The following SEMA5A variants were observed in gnomAD, a reference collection of about 807,000 sequenced individuals.
SEMA5A encodes the protein semaphorin 5A.
Under a neutral mutation model 135.5 loss-of-function variants are expected in SEMA5A, and 55 were observed. That is an observed-to-expected ratio of 0.41 (90% CI 0.33 to 0.51). The LOEUF (loss-of-function observed/expected upper bound fraction) is 0.51. Among genes scored for constraint, SEMA5A ranks in the 20% least tolerant of loss-of-function variants. The probability of loss-of-function intolerance (pLI) is 0.37; values close to 1 mark genes in which losing one functional copy is unlikely to be tolerated. For synonymous variants in SEMA5A, 580 were observed against 546.5 expected (o/e 1.06, Z -0.85); for missense variants, 1,290 against 1,419.9 (o/e 0.91, Z 1.47).
intron 18 of SEMA5A, among the ~76,000 whole-genome samples, chr5:9,057,984 C>T (rs558696644): frequency 6.6e-6 from 1 of 152,066 alleles, no homozygotes; most frequent in Admixed American, 6.6e-5. Context: ...AATGAAATAG[C>T]CTTCATCACA....
intron 1 of SEMA5A, among the ~76,000 whole-genome samples, chr5:9,520,277 C>T (rs1351332336): frequency 6.6e-6 from 1 of 152,234 alleles, no homozygotes; most frequent in Non-Finnish European, 1.5e-5. Flanking sequence ...AGCAAAGGCT[C>T]TGCCTCGTGG....
At chr5:9,250,288 C>A (rs1203601303) in intron 5 of SEMA5A, among the ~76,000 whole-genome samples, 1 of 152,106 alleles carries the variant, frequency 6.6e-6, no homozygotes, top group Non-Finnish European at 1.5e-5. Flanking sequence ...TGTGGGTGGA[C>A]AGCAGTAGCA....
intron 11 of SEMA5A, among the ~76,000 whole-genome samples, chr5:9,162,461 T>C (rs935468571): frequency 1.6e-4 from 12 of 74,138 alleles, no homozygotes; most frequent in Non-Finnish European, 3.1e-4. Flanking sequence ...TATATATGTG[T>C]GTGTATATAT....
At chr5:9,187,354 T>C (rs903633760) in intron 11 of SEMA5A, among the ~76,000 whole-genome samples, 1 of 152,192 alleles carries the variant, frequency 6.6e-6, no homozygotes, top group African/African-American at 2.4e-5. Context: ...TATGTAATTA[T>C]AGAGGTTGTT....
chr5:9,524,753 A>T (rs886484471), intron 1 of SEMA5A, among the ~76,000 whole-genome samples: 3 of 152,248 alleles, frequency 2.0e-5, no homozygotes, highest in Non-Finnish European at 4.4e-5. Flanking sequence ...TTCAACCATT[A>T]TTAATGCAAA....
At chr5:9,145,566 A>G (rs1013052600) in intron 12 of SEMA5A, among the ~76,000 whole-genome samples, 6 of 151,762 alleles carry the variant, frequency 4.0e-5, no homozygotes, top group African/African-American at 1.2e-4. Flanking sequence ...AAGCTTTCCT[A>G]TGGAATTCTT....
At chr5:9,138,851 G>A (rs1741907405) in intron 12 of SEMA5A, among the ~76,000 whole-genome samples, 1 of 152,172 alleles carries the variant, frequency 6.6e-6, no homozygotes, top group Non-Finnish European at 1.5e-5. Context: ...GTGAGAACAT[G>A]CGACGTTTGC....
At chr5:9,385,149 A>C (rs1005489418) in intron 2 of SEMA5A, among the ~76,000 whole-genome samples, 4 of 152,136 alleles carry the variant, frequency 2.6e-5, no homozygotes, top group Admixed American at 2.6e-4. Flanking sequence ...ACTTCCTTTT[A>C]TTTTCCAGAT....
In SEMA5A at chr5:9,429,117, T is replaced by C. The variant is rs574171221; in HGVS notation, c.-78+8639A>G. ...CATGGAGAAGGAAGAGAAAGGTTCA[T>C]GGAAAATGAGACAGATTAGCTGAGA... On this transcript the variant is annotated intron_variant, in intron 2 of 22. Coordinates refer to ENST00000382496, the MANE Select transcript of SEMA5A (RefSeq NM_003966.3). 5.9e-5 allele frequency among the ~76,000 whole-genome samples: 9 copies of C among 152,260 alleles called. No homozygotes were observed. The East Asian group carries it at 1.4e-3, about 23-fold the overall frequency.
intron 1 of SEMA5A, among the ~76,000 whole-genome samples, chr5:9,519,121 A>G (rs1561316773): frequency 6.6e-6 from 1 of 152,230 alleles, no homozygotes; most frequent in African/African-American, 2.4e-5. Flanking sequence ...CTTTCTCTGT[A>G]AAACATGGAG....
intron 11 of SEMA5A, among the ~76,000 whole-genome samples, chr5:9,180,153 C>T (rs1050091023): frequency 2.6e-5 from 4 of 152,166 alleles, no homozygotes; most frequent in African/African-American, 9.7e-5. Context: ...TAAGGGTCCA[C>T]TGTACTCCAG....
chr5:9,125,019 C>T lies in SEMA5A; in HGVS notation c.1600-2182G>A, dbSNP rs543705257. Among the ~76,000 whole-genome samples, 17 of 152,322 alleles carry T rather than the reference C, an allele frequency of 1.1e-4. 1 individual carries two copies. Among genetic ancestry groups the T allele is most frequent in the Admixed American group, 9.8e-4 (15 of 15,306 alleles). Reference sequence around the variant, plus strand: ...CGGGTTACAAACTATACCCATACTTCGCCATTTCAGAATAATGCTGACACC... The same window carrying T: ...CGGGTTACAAACTATACCCATACTTTGCCATTTCAGAATAATGCTGACACC... On this transcript the variant is annotated intron_variant, in intron 13 of 22. Coordinates refer to ENST00000382496, the MANE Select transcript of SEMA5A (RefSeq NM_003966.3).
intron 2 of SEMA5A, among the ~76,000 whole-genome samples, chr5:9,436,071 C>A (rs1327815371): frequency 3.9e-5 from 6 of 152,190 alleles, no homozygotes; most frequent in Admixed American, 3.9e-4. Flanking sequence ...CTGCAATTCT[C>A]TTGCAGATTA....
intron 7 of SEMA5A, among the ~76,000 whole-genome samples, chr5:9,226,476 C>T (rs533693467): frequency 1.3e-5 from 2 of 151,666 alleles, no homozygotes; most frequent in East Asian, 3.9e-4. Context: ...TTTTTTCTTC[C>T]CTTGGATTGT....
intron 16 of SEMA5A, among the ~76,000 whole-genome samples, chr5:9,079,946 G>A (rs1426496152): frequency 6.6e-6 from 1 of 152,160 alleles, no homozygotes; most frequent in East Asian, 1.9e-4. Flanking sequence ...TACACTGTTG[G>A]TGGGAATGTA....
chr5:9,092,822 C>A (rs1187329673), intron 16 of SEMA5A, among the ~76,000 whole-genome samples: 3 of 152,110 alleles, frequency 2.0e-5, no homozygotes, highest in Non-Finnish European at 4.4e-5. Context: ...ACACTCTTTT[C>A]CCAAATTGCC....
intron 18 of SEMA5A, 27 bp downstream of exon 18, chr5:9,062,860 G>A: frequency 6.2e-7 from 1 of 1,611,994 alleles, no homozygotes; most frequent in Non-Finnish European, 8.5e-7. Context: ...GTTTTCAGAT[G>A]TTTTGTAGAC....
intron 5 of SEMA5A, among the ~76,000 whole-genome samples, chr5:9,259,365 G>C (rs991997892): frequency 1.3e-5 from 2 of 152,096 alleles, no homozygotes; most frequent in Non-Finnish European, 1.5e-5. Flanking sequence ...GAGTGGCTTT[G>C]AGTGAGATTC....
intron 10 of SEMA5A, among the ~76,000 whole-genome samples, chr5:9,193,950 G>A (rs1285762612): frequency 6.6e-6 from 1 of 152,122 alleles, no homozygotes; most frequent in Non-Finnish European, 1.5e-5. Context: ...GGTCCTGATG[G>A]ACAGGATCAG....
Sources: allele counts gnomAD v4.1 joint callset (sites outside exome capture counted in the v4.1 genomes callset), GRCh38; gene constraint gnomAD v4.1.1; transcripts MANE v1.5; gene names NCBI Gene and HGNC (gene_info 2026-07-23, HGNC 2026-07-21).